FYB2: variants seen among roughly 807,000 people sequenced by gnomAD.
The protein encoded by FYB2 is FYN binding protein 2, also known as FYN-binding protein 2.
A neutral mutation model predicts 94.1 loss-of-function variants in FYB2; 103 were observed. The ratio of observed to expected loss-of-function variants is 1.09; its 90% CI spans 0.93 to 1.29. The LOEUF (loss-of-function observed/expected upper bound fraction) is 1.29, where lower values mean the gene tolerates loss of function less well. FYB2 is among the 50% of genes most tolerant of loss of function. FYB2 has a pLI of 0.00. For synonymous variants in FYB2, 293 were observed against 287.9 expected (o/e 1.02, Z -0.18); for missense variants, 896 against 841.5 (o/e 1.06, Z -0.80).
At chr1:56,817,508 AT>A (rs1374715485) in intron 1 of FYB2, among the ~76,000 whole-genome samples, 1 of 151,894 alleles carries the variant, frequency 6.6e-6, no homozygotes, top group African/African-American at 2.4e-5. Context: ...CCATATATAG[AT>A]TTTTTTGTCT....
At position 56,819,276 on chromosome 1, in the gene FYB2, C is replaced by A. The variant is rs372333474; in HGVS notation, c.9+6G>T. On this transcript the variant is annotated splice_donor_region_variant and intron_variant, in intron 1 of 19. Coordinates refer to ENST00000343433, the MANE Select transcript of FYB2 (RefSeq NM_001004303.5). ...AAAGCCAGCAACAAAACTGAGACAG[C>A]CTTACCCCTTCCATTGCTTTCCTCC... is the stretch of plus-strand genomic sequence containing the variant. 23 of 1,614,220 alleles carry A rather than the reference C, an allele frequency of 1.4e-5. No individual in the cohort carries two copies. Among genetic ancestry groups the A allele is most frequent in the South Asian group, 7.7e-5 (7 of 91,090 alleles).
At chr1:56,789,775 A>T (rs1417413043) in intron 2 of FYB2, among the ~76,000 whole-genome samples, 1 of 152,152 alleles carries the variant, frequency 6.6e-6, no homozygotes, top group Non-Finnish European at 1.5e-5. Context: ...ATGGTTTTGT[A>T]TTGATCCCCC....
At chr1:56,746,900 A>G (rs1645079655) in intron 9 of FYB2, among the ~76,000 whole-genome samples, 1 of 152,012 alleles carries the variant, frequency 6.6e-6, no homozygotes, top group African/African-American at 2.4e-5. Context: ...GTCCCAGCTT[A>G]CAATCTCCAC....
intron 1 of FYB2, among the ~76,000 whole-genome samples, chr1:56,804,381 A>ACTTTCTT (rs1278226898): frequency 1.3e-5 from 2 of 152,192 alleles, no homozygotes; most frequent in Admixed American, 1.3e-4. Context: ...ATCTTTTAAA[A>ACTTTCTT]GGCTTTCTTT....
chr1:56,766,057 T>C (rs970094951), intron 5 of FYB2, among the ~76,000 whole-genome samples: 1 of 152,166 alleles, frequency 6.6e-6, no homozygotes, highest in African/African-American at 2.4e-5. Context: ...GAAGGACATA[T>C]AGTTGGAACG....
chr1:56,719,834 G>T, intron 19 of FYB2, 142 bp from the exon 20 acceptor site: 2 of 1,028,230 alleles, frequency 1.9e-6, no homozygotes, highest in Middle Eastern at 3.2e-4. Flanking sequence ...AGAGAAGTTT[G>T]ATAGCATACT....
In FYB2 at chr1:56,757,625, CTTTCT is replaced by C. The variant is rs147401612; in HGVS notation, c.1098+1086_1098+1090del. On this transcript the variant is annotated intron_variant, in intron 6 of 19. Coordinates refer to ENST00000343433, the MANE Select transcript of FYB2 (RefSeq NM_001004303.5). Reference sequence around the variant, plus strand: ...AATATGCCTTTTCTTTCCTTCTTTTCTTTCTTTTCTTTTCTTTTCCTTTCTTTCTT... The same window carrying C: ...AATATGCCTTTTCTTTCCTTCTTTTCTTTCTTTTCTTTTCCTTTCTTTCTT... Among the ~76,000 whole-genome samples, 819 of 151,820 alleles carry C rather than the reference CTTTCT, an allele frequency of 5.4e-3. 27 individuals are homozygous for C. The East Asian group carries it at 0.1, about 19-fold the overall frequency.
chr1:56,787,073 G>A, intron 4 of FYB2, 102 bp downstream of exon 4: 2 of 1,296,782 alleles, frequency 1.5e-6, no homozygotes, highest in Admixed American at 3.5e-5. Flanking sequence ...ACCCTTCTGA[G>A]AAATACAGAT....
chr1:56,721,306 G>A (rs1644480637), intron 17 of FYB2, among the ~76,000 whole-genome samples: 1 of 151,890 alleles, frequency 6.6e-6, no homozygotes, highest in Non-Finnish European at 1.5e-5. Context: ...CTTTTGCCCA[G>A]GGTATTGTCT....
chr1:56,796,807 G>A (rs1160190549), intron 1 of FYB2, among the ~76,000 whole-genome samples: 1 of 152,116 alleles, frequency 6.6e-6, no homozygotes, highest in Non-Finnish European at 1.5e-5. Context: ...TGTGCTGCCT[G>A]CAATGCTCAT....
At chr1:56,730,584 C>T (rs1011362906) in intron 15 of FYB2, among the ~76,000 whole-genome samples, 1 of 151,458 alleles carries the variant, frequency 6.6e-6, no homozygotes, top group Non-Finnish European at 1.5e-5. Flanking sequence ...GAGATTGAAC[C>T]AAGAAAAAAT....
rs922737512 is a variant in FYB2, at chr1:56,763,955, T to TG, written c.1063+3873_1063+3874insC. ...GAATCTGTTGTCATATTATGTCTAT[T>TG]TTTTTTTTTTTTTAGATGGAGTTTT... On this transcript the variant is annotated intron_variant, in intron 5 of 19. Transcript: ENST00000343433. 2.9e-5 allele frequency among the ~76,000 whole-genome samples: 4 copies of TG among 139,262 alleles called. No homozygotes were observed. The East Asian group carries it at 7.9e-4, about 28-fold the overall frequency. 91.4% of individuals were successfully genotyped at this position (139,262 alleles called of 152,430 possible). A position where few individuals can be genotyped will look rare whatever the true frequency, so the allele number is the denominator to read the frequency against.
At chr1:56,729,103 T>C (rs1214739315) in intron 15 of FYB2, among the ~76,000 whole-genome samples, 4 of 152,136 alleles carry the variant, frequency 2.6e-5, no homozygotes, top group Admixed American at 2.6e-4. Context: ...GGCTGGATTA[T>C]GAATAAATTT....
intron 2 of FYB2, among the ~76,000 whole-genome samples, chr1:56,791,296 C>T (rs1323068969): frequency 1.3e-5 from 2 of 148,444 alleles, no homozygotes; most frequent in Admixed American, 6.9e-5. Flanking sequence ...TGCTCTGTTG[C>T]CCAGGCTGGA....
At chr1:56,787,287 TGATCCCACA>T in intron 3 of FYB2, 79 bp from the exon 4 acceptor site, 1 of 1,538,766 alleles carries the variant, frequency 6.5e-7, no homozygotes, top group Non-Finnish European at 9.0e-7. Context: ...TGTGATGACT[TGATCCCACA>T]GATAATGTGG....
chr1:56,756,040 G>T, intron 6 of FYB2, 113 bp from the exon 7 acceptor site: 1 of 975,504 alleles, frequency 1.0e-6, no homozygotes, highest in Non-Finnish European at 1.6e-6. Context: ...TGAAGCCTCA[G>T]TAGAGAGCAA....
chr1:56,814,209 G>T (rs1646829524), intron 1 of FYB2, among the ~76,000 whole-genome samples: 1 of 152,242 alleles, frequency 6.6e-6, no homozygotes, highest in African/African-American at 2.4e-5. Flanking sequence ...TGGTGCGGGT[G>T]AGGAGGCTCG....
rs1646196586 is a variant in FYB2, at chr1:56,788,984, G to C, written c.908C>G (p.Thr303Ser). The change falls in exon 3 of 20, where the codon ACT becomes AGT. Residue 303 changes from threonine to serine, a missense_variant. Thr to Ser is a moderately conservative substitution (Grantham distance 58, BLOSUM62 1). Coordinates refer to ENST00000343433, the MANE Select transcript of FYB2 (RefSeq NM_001004303.5). ...GTGCATTTCCTTACCTTCCCCCTGA[G>C]TCTTGGGAACAGCAGCTGGCTGCCT... ...FQRQPAAVPK[T>S]QGEVTVEEGS... 2 of 1,614,072 alleles carry C rather than the reference G, an allele frequency of 1.2e-6. No individual in the cohort carries two copies. Among genetic ancestry groups the C allele is most frequent in the Admixed American group, 1.7e-5 (1 of 60,016 alleles).
At chr1:56,779,677 T>C (rs1266262008) in intron 4 of FYB2, among the ~76,000 whole-genome samples, 2 of 152,210 alleles carry the variant, frequency 1.3e-5, no homozygotes, top group African/African-American at 4.8e-5. Flanking sequence ...GTTTATCTGT[T>C]ATTCCACTGG....
Sources: allele counts gnomAD v4.1 joint callset (sites outside exome capture counted in the v4.1 genomes callset), GRCh38; gene constraint gnomAD v4.1.1; transcripts MANE v1.5; gene names NCBI Gene and HGNC (gene_info 2026-07-23, HGNC 2026-07-21).